SLC5A4: variants seen among roughly 807,000 people sequenced by gnomAD.
SLC5A4 encodes the protein probable glucose sensor protein SLC5A4.
Under a neutral mutation model 70.3 loss-of-function variants are expected in SLC5A4, and 55 were observed. The observed-to-expected ratio is 0.78, with a 90% CI of 0.63 to 0.98. The LOEUF (loss-of-function observed/expected upper bound fraction) is 0.98. SLC5A4 is among the 50% of genes least tolerant of loss of function. The pLI is 0.00. For missense variants in SLC5A4, 735 were observed against 839.2 expected (o/e 0.88, Z 1.53); for synonymous variants, 268 against 305.7 (o/e 0.88, Z 1.29).
the SLC5A4 span, among the ~76,000 whole-genome samples, chr22:32,306,821 T>C: frequency 6.6e-6 from 1 of 152,166 alleles, no homozygotes; most frequent in Admixed American, 6.5e-5. Context: ...TATTTGACTA[T>C]GATGTATGCT....
chr22:32,282,443 C>T, the SLC5A4 span, among the ~76,000 whole-genome samples: 2 of 152,272 alleles, frequency 1.3e-5, no homozygotes, highest in East Asian at 3.9e-4. Context: ...GTAGTTCCTC[C>T]TCACTCCCTT....
rs146518463 is a variant in SLC5A4, at chr22:32,233,048, G to T, written c.886-14C>A. On this transcript the variant is annotated splice_polypyrimidine_tract_variant and intron_variant, in intron 8 of 14. Transcript: ENST00000266086. ...CTGCACAATGACCTGCCGGGAGAAC[G>T]TGACACACTCATGAAACAAGCCAGG... 7,197 of 1,609,220 alleles carry T rather than the reference G, an allele frequency of 4.5e-3. 22 individuals carry two copies. The highest frequency in any genetic ancestry group is 5.4e-3 in the Non-Finnish European group (6,370 of 1,177,546).
intron 11 of SLC5A4, among the ~76,000 whole-genome samples, chr22:32,227,889 C>A (rs1056766218): frequency 6.6e-6 from 1 of 150,948 alleles, no homozygotes; most frequent in Non-Finnish European, 1.5e-5. Flanking sequence ...ATCGCTTGAA[C>A]TCGGGAGGCA....
At chr22:32,243,046 A>G (rs1483803731) in intron 5 of SLC5A4, among the ~76,000 whole-genome samples, 1 of 152,202 alleles carries the variant, frequency 6.6e-6, no homozygotes, top group East Asian at 1.9e-4. Context: ...CAGTAATTCT[A>G]TAGTGGAGAA....
At chr22:32,286,413 G>T in the SLC5A4 span, among the ~76,000 whole-genome samples, 1 of 152,170 alleles carries the variant, frequency 6.6e-6, no homozygotes, top group Non-Finnish European at 1.5e-5. Context: ...GCTCTGTGTT[G>T]AGATTGTGGA....
chr22:32,224,439 A>T lies in SLC5A4; in HGVS notation c.1493T>A (p.Ile498Asn), dbSNP rs1019145118. The change falls in exon 13 of 15, where the codon ATT (isoleucine) becomes AAT (asparagine). Residue 498 changes from isoleucine to asparagine, a missense_variant. By Grantham distance (149) the Ile-to-Asn change is moderately radical. Coordinates refer to ENST00000266086, the MANE Select transcript of SLC5A4 (RefSeq NM_014227.3). ...ATAAGCAAACTCTGTTATCATACGA[A>T]TGAGGCCCATTGCAAGTCCAACCAT... ...GLMVGLAMGL[I>N]RMITEFAYGT... 1 of 1,614,132 alleles carries T rather than the reference A, an allele frequency of 6.2e-7. No individual in the cohort carries two copies. Among genetic ancestry groups the T allele is most frequent in the Non-Finnish European group, 8.5e-7 (1 of 1,180,000 alleles).
At chr22:32,303,252 G>A in the SLC5A4 span, among the ~76,000 whole-genome samples, 1 of 152,194 alleles carries the variant, frequency 6.6e-6, no homozygotes, top group Non-Finnish European at 1.5e-5. Context: ...TCATCAATAT[G>A]TGTAAGGTAT....
At chr22:32,281,468 C>T in the SLC5A4 span, among the ~76,000 whole-genome samples, 1 of 152,230 alleles carries the variant, frequency 6.6e-6, no homozygotes, top group East Asian at 1.9e-4. Context: ...TGCACTGCCA[C>T]AGGTGCTCCA....
At chr22:32,352,655 C>T in the SLC5A4 span, among the ~76,000 whole-genome samples, 4 of 152,048 alleles carry the variant, frequency 2.6e-5, no homozygotes, top group Non-Finnish European at 1.5e-5. Flanking sequence ...GGCAGGGCTG[C>T]CCCCCAACGC....
chr22:32,333,329 G>A, the SLC5A4 span, among the ~76,000 whole-genome samples: 8 of 152,042 alleles, frequency 5.3e-5, no homozygotes, highest in Non-Finnish European at 5.9e-5. Flanking sequence ...GAGGCCTCCG[G>A]AAGGAGCATG....
intron 11 of SLC5A4, among the ~76,000 whole-genome samples, chr22:32,228,761 A>G (rs967144484): frequency 1.1e-4 from 17 of 152,092 alleles, no homozygotes; most frequent in Non-Finnish European, 1.5e-5. Flanking sequence ...CAGCCCAATC[A>G]TTAATGAATA....
At chr22:32,333,878 CAT>C in the SLC5A4 span, among the ~76,000 whole-genome samples, 1 of 150,678 alleles carries the variant, frequency 6.6e-6, no homozygotes, top group Admixed American at 6.6e-5. Context: ...CCACAATACA[CAT>C]ACACACACAC....
chr22:32,311,648 CTG>C, the SLC5A4 span, among the ~76,000 whole-genome samples: 7 of 152,246 alleles, frequency 4.6e-5, no homozygotes, highest in South Asian at 2.1e-4. Context: ...ATCCATGTGT[CTG>C]TGTCTCCCAC....
the SLC5A4 span, among the ~76,000 whole-genome samples, chr22:32,333,697 G>A: frequency 3.3e-5 from 5 of 151,958 alleles, no homozygotes; most frequent in Non-Finnish European, 7.4e-5. Flanking sequence ...CTTCCCCAAC[G>A]TCCTTTCTAC....
chr22:32,235,584 A>AT (rs1251064931), intron 7 of SLC5A4, among the ~76,000 whole-genome samples: 1 of 152,058 alleles, frequency 6.6e-6, no homozygotes, highest in Non-Finnish European at 1.5e-5. Flanking sequence ...GCAACACTAT[A>AT]TTTTGCCTGT....
chr22:32,293,326 GT>G, the SLC5A4 span, among the ~76,000 whole-genome samples: 4 of 151,864 alleles, frequency 2.6e-5, no homozygotes, highest in African/African-American at 9.7e-5. Flanking sequence ...TAATGATGTG[GT>G]TTTTTTGGTC....
the SLC5A4 span, among the ~76,000 whole-genome samples, chr22:32,299,927 G>A: frequency 4.4e-5 from 5 of 113,950 alleles, no homozygotes; most frequent in East Asian, 2.3e-4. Context: ...TGAGGTGTCA[G>A]TGTGCCCCTG....
chr22:32,260,631 G>T, the SLC5A4 span, among the ~76,000 whole-genome samples: 2 of 152,174 alleles, frequency 1.3e-5, no homozygotes, highest in East Asian at 3.9e-4. Context: ...TCTACTCATG[G>T]AGGGTGGCAG....
At chr22:32,242,577 C>T (rs893380680) in intron 5 of SLC5A4, among the ~76,000 whole-genome samples, 12 of 152,040 alleles carry the variant, frequency 7.9e-5, no homozygotes, top group Admixed American at 4.6e-4. Flanking sequence ...GGTATGGTGG[C>T]GCGTGCCTGT....
Sources: allele counts gnomAD v4.1 joint callset (sites outside exome capture counted in the v4.1 genomes callset), GRCh38; gene constraint gnomAD v4.1.1; transcripts MANE v1.5; gene names NCBI Gene and HGNC (gene_info 2026-07-23, HGNC 2026-07-21).